The following CHST11 variants were observed in gnomAD, a reference collection of about 807,000 sequenced individuals.
The protein encoded by CHST11 is carbohydrate sulfotransferase 11, also known as C4S-1.
Under a neutral mutation model 30.4 loss-of-function variants are expected in CHST11, and 9 were observed. That is an observed-to-expected ratio of 0.30 (90% confidence interval 0.18 to 0.52). The LOEUF (loss-of-function observed/expected upper bound fraction) is 0.52, where lower values mean the gene tolerates loss of function less well. CHST11 is among the 20% of genes least tolerant of loss of function. The probability of loss-of-function intolerance (pLI) is 0.97; values close to 1 mark genes in which losing one functional copy is unlikely to be tolerated. For missense variants in CHST11, 348 were observed against 460.6 expected, an observed-to-expected ratio of 0.76 and a Z score of 2.24; for synonymous variants, 152 against 187.8, an observed-to-expected ratio of 0.81 and a Z score of 1.56.
chr12:104,608,470 G>A (rs1447846791), intron 2 of CHST11, among the ~76,000 whole-genome samples: 5 of 152,150 alleles, frequency 3.3e-5, no homozygotes, highest in East Asian at 1.9e-4. Flanking sequence ...TTGAGCACAC[G>A]GCACAAGCAC....
intron 1 of CHST11, among the ~76,000 whole-genome samples, chr12:104,596,206 G>T (rs1279890001): frequency 6.6e-6 from 1 of 152,170 alleles, no homozygotes; most frequent in African/African-American, 2.4e-5. Context: ...TGACAGATGG[G>T]CTGGGCCACA....
chr12:104,518,420 C>T (rs1328451069), intron 1 of CHST11, among the ~76,000 whole-genome samples: 3 of 152,082 alleles, frequency 2.0e-5, no homozygotes, highest in Admixed American at 6.5e-5. Flanking sequence ...TATATGGGCT[C>T]GGTAAGGGAT....
At chr12:104,601,763 C>G (rs1324494106) in intron 1 of CHST11, 143 bp from the exon 2 acceptor site, 4 of 633,062 alleles carry the variant, frequency 6.3e-6, no homozygotes, top group Non-Finnish European at 1.1e-5. Flanking sequence ...GGAGAAGGGA[C>G]AGTGTGGAAA....
At chr12:104,635,093 C>T (rs866968837) in intron 2 of CHST11, among the ~76,000 whole-genome samples, 3 of 147,254 alleles carry the variant, frequency 2.0e-5, no homozygotes, top group Non-Finnish European at 3.0e-5. Flanking sequence ...GTCCTGCCCC[C>T]GTACCCAGCT....
chr12:104,587,432 C>T (rs185027359), intron 1 of CHST11, among the ~76,000 whole-genome samples: 18 of 152,146 alleles, frequency 1.2e-4, no homozygotes, highest in South Asian at 2.1e-4. Context: ...GGGTCTCAAG[C>T]GGTTGCCCAG....
chr12:104,636,126 C>T (rs2039321086), intron 2 of CHST11, among the ~76,000 whole-genome samples: 1 of 152,190 alleles, frequency 6.6e-6, no homozygotes, highest in African/African-American at 2.4e-5. Flanking sequence ...AGTTCAGTGG[C>T]TGATCCAGGT....
At chr12:104,732,111 A>G (rs1434100648) in intron 2 of CHST11, among the ~76,000 whole-genome samples, 1 of 152,244 alleles carries the variant, frequency 6.6e-6, no homozygotes, top group Non-Finnish European at 1.5e-5. Context: ...GGTCAGTTTT[A>G]TTTGGGTACA....
At chr12:104,513,954 A>G in intron 1 of CHST11, 1 of 573,400 alleles carries the variant, frequency 1.7e-6, no homozygotes, top group Non-Finnish European at 3.2e-6. Flanking sequence ...ATTTTTAAAG[A>G]AGAGAGGGTT....
At chr12:104,644,717 G>A (rs558337781) in intron 2 of CHST11, among the ~76,000 whole-genome samples, 3 of 152,362 alleles carry the variant, frequency 2.0e-5, no homozygotes, top group South Asian at 2.1e-4. Flanking sequence ...TCAGAGCCCG[G>A]TGGCAGACTG....
At chr12:104,673,830 A>T (rs2039717032) in intron 2 of CHST11, among the ~76,000 whole-genome samples, 1 of 152,246 alleles carries the variant, frequency 6.6e-6, no homozygotes, top group South Asian at 2.1e-4. Flanking sequence ...AGGGCTGCTG[A>T]AAGATTAAAT....
At chr12:104,704,050 T>C (rs2040012224) in intron 2 of CHST11, among the ~76,000 whole-genome samples, 1 of 152,126 alleles carries the variant, frequency 6.6e-6, no homozygotes, top group Non-Finnish European at 1.5e-5. Flanking sequence ...CCTGGTCCAA[T>C]GCCTGGCACC....
At chr12:104,518,935 A>AT (rs1432367942) in intron 1 of CHST11, among the ~76,000 whole-genome samples, 2 of 148,234 alleles carry the variant, frequency 1.3e-5, no homozygotes, top group Admixed American at 1.3e-4. Flanking sequence ...AATAGAAACC[A>AT]TTTTTTTCTT....
intron 2 of CHST11, among the ~76,000 whole-genome samples, chr12:104,735,846 A>G (rs2040296114): frequency 1.3e-5 from 2 of 152,294 alleles, no homozygotes; most frequent in Admixed American, 1.3e-4. Context: ...CAAGGACAGC[A>G]GAGTTAGAGC....
chr12:104,627,772 A>G (rs1218639905), intron 2 of CHST11, among the ~76,000 whole-genome samples: 2 of 140,284 alleles, frequency 1.4e-5, no homozygotes, highest in Non-Finnish European at 3.2e-5. Context: ...TTCTCAGCAT[A>G]AAGTCAGATG....
At chr12:104,544,157 AG>A in intron 1 of CHST11, among the ~76,000 whole-genome samples, 1 of 40,424 alleles carries the variant, frequency 2.5e-5, no homozygotes, top group Non-Finnish European at 6.1e-5. Context: ...AAAGAAAGAA[AG>A]AAAGAAAGAA....
rs940459392 is a variant in CHST11, at chr12:104,479,657, A to T, written c.118+22128A>T. Among the ~76,000 whole-genome samples, 31 of 152,370 alleles carry T rather than the reference A, an allele frequency of 2.0e-4. 2 individuals carry two copies. Among genetic ancestry groups the T allele is most frequent in the Admixed American group, 1.1e-3 (17 of 15,306 alleles). On this transcript the variant is annotated intron_variant, in intron 1 of 2. Coordinates refer to ENST00000303694, the MANE Select transcript of CHST11 (RefSeq NM_018413.6). ...GGTAAAAAATATATAATTAGATTTT[A>T]AAAAGTCTTGCACTCTTAGGTAGTA...
intron 2 of CHST11, among the ~76,000 whole-genome samples, chr12:104,683,646 C>T (rs772809095): frequency 1.3e-5 from 2 of 152,146 alleles, no homozygotes; most frequent in Non-Finnish European, 2.9e-5. Context: ...TTTGATTTGC[C>T]GACACCAGAT....
At chr12:104,677,278 C>T (rs371789430) in intron 2 of CHST11, among the ~76,000 whole-genome samples, 1 of 152,100 alleles carries the variant, frequency 6.6e-6, no homozygotes, top group African/African-American at 2.4e-5. Flanking sequence ...GCATGCAGGT[C>T]GAGGGGTCCC....
At chr12:104,486,757 A>G (rs2037683208) in intron 1 of CHST11, among the ~76,000 whole-genome samples, 1 of 152,166 alleles carries the variant, frequency 6.6e-6, no homozygotes. Flanking sequence ...ACTGAAGGGG[A>G]AAAGAACTTC....
Sources: allele counts gnomAD v4.1 joint callset (sites outside exome capture counted in the v4.1 genomes callset), GRCh38; gene constraint gnomAD v4.1.1; transcripts MANE v1.5; gene names NCBI Gene and HGNC (gene_info 2026-07-23, HGNC 2026-07-21).